Variants in WNT11 observed in about 807,000 individuals in gnomAD.
WNT11 encodes protein Wnt-11.
A neutral mutation model predicts 35.6 loss-of-function variants in WNT11; 20 were observed. The observed-to-expected ratio is 0.56, with a 90% CI of 0.40 to 0.82. The LOEUF (loss-of-function observed/expected upper bound fraction) is 0.82, where lower values mean the gene tolerates loss of function less well. WNT11 is among the 40% of genes least tolerant of loss of function. WNT11 has a pLI of 0.00. For synonymous variants in WNT11, 200 were observed against 211.9 expected (o/e 0.94, Z 0.49); for missense variants, 459 against 504.4 (o/e 0.91, Z 0.86).
intron 1 of WNT11, among the ~76,000 whole-genome samples, chr11:76,205,541 C>T (rs1481396999): frequency 6.6e-6 from 1 of 152,228 alleles, no homozygotes; most frequent in Non-Finnish European, 1.5e-5. Context: ...GATTCCCGCT[C>T]TGGTTTCTCC....
chr11:76,196,448 AC>A (rs777067659), intron 2 of WNT11, 34 bp downstream of exon 2: 1 of 1,606,272 alleles, frequency 6.2e-7, no homozygotes, highest in South Asian at 1.1e-5. Context: ...CTTCACCCGC[AC>A]CCACATGCAT....
intron 4 of WNT11, among the ~76,000 whole-genome samples, chr11:76,187,963 G>T (rs1299077728): frequency 1.3e-5 from 2 of 152,220 alleles, no homozygotes; most frequent in African/African-American, 4.8e-5. Context: ...TGCCTCCTGG[G>T]TTCAAGCGAT....
intron 1 of WNT11, among the ~76,000 whole-genome samples, chr11:76,204,302 T>C (rs1160582615): frequency 1.3e-5 from 2 of 152,218 alleles, no homozygotes; most frequent in African/African-American, 4.8e-5. Flanking sequence ...CAGTTTCTCA[T>C]AGGAGTGCAG....
chr11:76,195,151 GC>G (rs1953260807), intron 2 of WNT11: 3 of 397,620 alleles, frequency 7.5e-6, no homozygotes. Flanking sequence ...CAGTAGTGAG[GC>G]CCAGGCTCTG....
upstream of WNT11, chr11:76,206,733 G>T (rs2272042): frequency 1.2e-4 from 28 of 225,264 alleles, no homozygotes; most frequent in African/African-American, 5.9e-4. Context: ...CCCTCTGGCC[G>T]GGGCAGCCGG....
At chr11:76,187,440 G>A (rs1043778153) in intron 4 of WNT11, among the ~76,000 whole-genome samples, 4 of 152,286 alleles carry the variant, frequency 2.6e-5, no homozygotes, top group South Asian at 4.1e-4. Flanking sequence ...TTTCTAATAA[G>A]GGGTTACCAA....
At chr11:76,210,221 C>T (rs12794194), upstream of WNT11, 28,068 of 176,916 alleles carry the variant, frequency 0.16, 2,848 homozygotes, top group Non-Finnish European at 0.23. Context: ...AGGAACTGCA[C>T]AACCCACCAC....
At chr11:76,201,989 T>C (rs966035555) in intron 1 of WNT11, among the ~76,000 whole-genome samples, 3 of 152,084 alleles carry the variant, frequency 2.0e-5, no homozygotes, top group Non-Finnish European at 2.9e-5. Context: ...GGTCACATGA[T>C]GAATTCTAGG....
rs544927425 is a variant in WNT11, at chr11:76,193,521, A to G, written c.597+1046T>C. On this transcript the variant is annotated intron_variant, in intron 3 of 4. Transcript: ENST00000322563. ...GGACAGGTCAGCAGGGCCAGGAGGC[A>G]GGAGTCCTGAGTCCCTGGCCAGGCT... 5.3e-5 allele frequency among the ~76,000 whole-genome samples: 8 copies of G among 152,370 alleles called. No homozygotes were observed. The East Asian group carries it at 1.4e-3, about 26-fold the overall frequency.
At chr11:76,207,598 G>C (rs1844343969), upstream of WNT11, among the ~76,000 whole-genome samples, 1 of 152,146 alleles carries the variant, frequency 6.6e-6, no homozygotes, top group Non-Finnish European at 1.5e-5. Context: ...GGATGGTAGG[G>C]CTCTTTGTAC....
intron 2 of WNT11, among the ~76,000 whole-genome samples, chr11:76,195,311 C>A (rs896710664): frequency 1.3e-5 from 2 of 152,186 alleles, no homozygotes; most frequent in Non-Finnish European, 2.9e-5. Flanking sequence ...GGGGCTGAGA[C>A]GAGGTCATAC....
intron 2 of WNT11, 113 bp downstream of exon 2, chr11:76,196,370 A>AACCC (rs1953285879): frequency 8.2e-6 from 10 of 1,223,220 alleles, no homozygotes; most frequent in Non-Finnish European, 1.2e-6. Flanking sequence ...TTCATCCATG[A>AACCC]ATCCATCATC....
Position 76,194,869 on chromosome 11 carries a change from C to T in WNT11, c.320-25G>A, listed in dbSNP as rs1953254823. The T allele has an allele frequency of 4.1e-6, 6 of 1,475,444 alleles. No individual in the cohort carries two copies. Among genetic ancestry groups the T allele is most frequent in the African/African-American group, 1.4e-5 (1 of 71,342 alleles). The allele number at this position is 1,475,444 out of a possible 1,614,324, so 91.4% of individuals were successfully genotyped here. On this transcript the variant is annotated intron_variant, in intron 2 of 4. Transcript: ENST00000322563. The surrounding 1 kb of genome is among the most constrained non-coding windows in gnomAD (Gnocchi z 5.4). ...CCTGAGGGTGGGAGGGGAAGGTCAG[C>T]CGACGCTGATCCAGGGCTAGGACCC...
chr11:76,194,495 C>A lies in WNT11; in HGVS notation c.597+72G>T. On this transcript the variant is annotated intron_variant, in intron 3 of 4. Coordinates refer to ENST00000322563, the MANE Select transcript of WNT11 (RefSeq NM_004626.3). The surrounding 1 kb of genome is among the most constrained non-coding windows in gnomAD (Gnocchi z 5.4). Reference sequence around the variant, plus strand: ...CCCCCCGCACCCCCCACCACTGGGGCAAGCTGGGTGGCCCTTTTCTGGCCA... The same window carrying A: ...CCCCCCGCACCCCCCACCACTGGGGAAAGCTGGGTGGCCCTTTTCTGGCCA... The A allele has an allele frequency of 6.8e-7, 1 of 1,461,018 alleles. No individual in the cohort carries two copies. Among genetic ancestry groups the A allele is most frequent in the Non-Finnish European group, 9.1e-7 (1 of 1,104,964 alleles). The allele number at this position is 1,461,018 out of a possible 1,614,324, so 90.5% of individuals were successfully genotyped here.
At chr11:76,199,084 G>T (rs1831037153) in intron 1 of WNT11, among the ~76,000 whole-genome samples, 1 of 152,106 alleles carries the variant, frequency 6.6e-6, no homozygotes, top group African/African-American at 2.4e-5. Context: ...AGTGAGCCGA[G>T]ATTGCACCAC....
chr11:76,198,990 G>A (rs1043530642), intron 1 of WNT11, among the ~76,000 whole-genome samples: 1 of 152,080 alleles, frequency 6.6e-6, no homozygotes, highest in Non-Finnish European at 1.5e-5. Context: ...ACAAAAATTA[G>A]CCAGGCATGG....
At chr11:76,196,227 T>C (rs1953283391) in intron 2 of WNT11, among the ~76,000 whole-genome samples, 1 of 152,232 alleles carries the variant, frequency 6.6e-6, no homozygotes, top group Admixed American at 6.5e-5. Context: ...GTACATGTGC[T>C]GTCCAGGCTC....
intron 1 of WNT11, among the ~76,000 whole-genome samples, chr11:76,206,099 G>A (rs1953467392): frequency 6.6e-6 from 1 of 152,172 alleles, no homozygotes; most frequent in Non-Finnish European, 1.5e-5. Context: ...AGGACCAGGC[G>A]CTTCCATTGT....
intron 2 of WNT11, chr11:76,195,061 C>G: frequency 1.7e-6 from 1 of 574,232 alleles, no homozygotes; most frequent in Non-Finnish European, 3.0e-6. Context: ...CAGGCATGCC[C>G]TCACCCACGT....
Sources: allele counts gnomAD v4.1 joint callset (sites outside exome capture counted in the v4.1 genomes callset), GRCh38; gene constraint gnomAD v4.1.1; non-coding constraint Gnocchi (gnomAD v3.1); transcripts MANE v1.5; gene names NCBI Gene and HGNC (gene_info 2026-07-23, HGNC 2026-07-21).